The following E2F5 variants were observed in gnomAD, a reference collection of about 807,000 sequenced individuals.
E2F5 encodes the protein transcription factor E2F5.
Under a neutral mutation model 39.1 loss-of-function variants are expected in E2F5, and 23 were observed. That is an observed-to-expected ratio of 0.59 (90% CI 0.42 to 0.83). E2F5 has a LOEUF of 0.83. E2F5 is among the 40% of genes least tolerant of loss of function. The probability of loss-of-function intolerance (pLI) is 0.00; values close to 1 mark genes in which losing one functional copy is unlikely to be tolerated. For missense variants in E2F5, 365 were observed against 406.7 expected (o/e 0.90, Z 0.88); for synonymous variants, 145 against 157.8 (o/e 0.92, Z 0.61).
intron 4 of E2F5, 59 bp from the exon 5 acceptor site, chr8:85,207,366 C>A: frequency 7.0e-7 from 1 of 1,419,018 alleles, no homozygotes; most frequent in Non-Finnish European, 9.7e-7. Flanking sequence ...CACATTCTTG[C>A]CACTGTATTC....
chr8:85,212,055 A>C (rs1046203840), intron 6 of E2F5, 102 bp from the exon 7 acceptor site: 34 of 856,904 alleles, frequency 4.0e-5, no homozygotes, highest in Non-Finnish European at 5.7e-5. Flanking sequence ...ACTTTAAATA[A>C]ATGTGCATGT....
At chr8:85,202,329 A>G (rs1252582902) in intron 2 of E2F5, 73 bp downstream of exon 2, 6 of 1,101,398 alleles carry the variant, frequency 5.4e-6, no homozygotes, top group African/African-American at 1.6e-5. Context: ...GACCTTCCCA[A>G]TGTTTCTATC....
intron 1 of E2F5, 119 bp downstream of exon 1, chr8:85,177,773 A>G: frequency 8.7e-7 from 1 of 1,143,608 alleles, no homozygotes; most frequent in Non-Finnish European, 1.1e-6. Context: ...GGGACCCGGG[A>G]CCGGGCAATC....
intron 4 of E2F5, 134 bp downstream of exon 4, chr8:85,206,354 G>A (rs374440918): frequency 4.7e-5 from 38 of 804,240 alleles, no homozygotes; most frequent in African/African-American, 2.8e-4. Context: ...CCACCATGCC[G>A]TGTATTGATA....
rs550303207 is a variant in E2F5 at position 85,201,363 on chromosome 8, G to T, written c.235-784G>T. ...AAAATGTGGCTCCACATTCAAAATA[G>T]GCTATTGTCTAATCCACTCTGAAAA... On this transcript the variant is annotated intron_variant, in intron 1 of 7. Transcript: ENST00000416274. 2.0e-5 allele frequency among the ~76,000 whole-genome samples: 3 copies of T among 152,270 alleles called. No individual in the cohort carries two copies. In the East Asian group the frequency reaches 5.8e-4, roughly 29 times the overall value.
At chr8:85,203,420 GTTACC>G (rs1173765488) in intron 3 of E2F5, among the ~76,000 whole-genome samples, 165 bp downstream of exon 3, 2 of 151,906 alleles carry the variant, frequency 1.3e-5, no homozygotes, top group African/African-American at 4.8e-5. Flanking sequence ...TTTTCTAAAT[GTTACC>G]TTTTTAAGTT....
At chr8:85,183,407 A>G (rs527242496) in intron 1 of E2F5, among the ~76,000 whole-genome samples, 1 of 152,330 alleles carries the variant, frequency 6.6e-6, no homozygotes, top group Admixed American at 6.5e-5. Context: ...CTGGGTGTAT[A>G]CCCAAAGAAT....
In E2F5 at chr8:85,193,697, A is replaced by T. The variant is rs937738498; in HGVS notation, c.235-8450A>T. Among the ~76,000 whole-genome samples, 4 of 151,984 alleles carry T rather than the reference A, an allele frequency of 2.6e-5. No individual in the cohort carries two copies. The South Asian group carries it at 8.3e-4, about 32-fold the overall frequency. ...TGCTTTTTTTCCTGTGAATTAGAATACCCTTTTCTAGAGTTTCACGTCAGT... is the reference window on the plus strand; with the variant it reads ...TGCTTTTTTTCCTGTGAATTAGAATTCCCTTTTCTAGAGTTTCACGTCAGT... On this transcript the variant is annotated intron_variant, in intron 1 of 7. Transcript: ENST00000416274.
intron 5 of E2F5, among the ~76,000 whole-genome samples, chr8:85,208,343 A>G (rs1276407419): frequency 2.0e-5 from 3 of 152,174 alleles, no homozygotes; most frequent in African/African-American, 7.2e-5. Flanking sequence ...CAACAACAAC[A>G]ACAACACATC....
chr8:85,213,809 G>A lies in E2F5; in HGVS notation c.988G>A (p.Asp330Asn). 6.2e-7 allele frequency: 1 copy of A among 1,613,294 alleles called. No individual in the cohort carries two copies. Among genetic ancestry groups the A allele is most frequent in the Non-Finnish European group, 8.5e-7 (1 of 1,179,562 alleles). The change falls in exon 8 of 8, where the codon GAT becomes AAT. Residue 330 changes from aspartate (D) to asparagine (N), a missense_variant. Transcript: ENST00000416274. ...TPADDYNFNL[D>N]DNEGVCDLFD... ...GGCAGATGACTACAACTTTAATTTAGATGATAACGAAGGAGTTTGTGATCT... is the reference window on the plus strand; with the variant it reads ...GGCAGATGACTACAACTTTAATTTAAATGATAACGAAGGAGTTTGTGATCT...
intron 6 of E2F5, among the ~76,000 whole-genome samples, chr8:85,211,869 G>T (rs58281938): frequency 6.6e-6 from 1 of 151,936 alleles, no homozygotes; most frequent in South Asian, 2.1e-4. Context: ...GAACTCCTGA[G>T]CTCAAGCAAT....
In E2F5 at chr8:85,209,327, G is replaced by A. The variant is rs1263869609; in HGVS notation, c.801G>A (p.Met267Ile). ...CAGTGACTCCACAGAAATCCAGCAT[G>A]GCAACTCAAAATCTGCCTGAGCAAC... ...LTPVTPQKSS[M>I]ATQNLPEQHV... is the part of the protein sequence containing the mutation. Residue 267 changes from methionine to isoleucine, a missense_variant, in exon 6 of 8, where the codon ATG becomes ATA. Transcript: ENST00000416274. 2 of 1,613,952 alleles carry A rather than the reference G, an allele frequency of 1.2e-6. No homozygotes were observed. The highest frequency in any genetic ancestry group is 2.2e-5 in the East Asian group (1 of 44,884).
intron 1 of E2F5, among the ~76,000 whole-genome samples, chr8:85,183,441 A>T (rs1196304948): frequency 3.3e-5 from 5 of 152,234 alleles, no homozygotes; most frequent in Non-Finnish European, 5.9e-5. Flanking sequence ...TCAAGAAGGT[A>T]TGTATACCCC....
chr8:85,212,157 C>A lies in E2F5; in HGVS notation c.884C>A (p.Ala295Glu). ...QQTSATDISS[A>E]GSISGDIIDE... Reference sequence around the variant, plus strand: ...AACAAAACTTTATTACTGTTTCCAGCAGGATCTATTAGTGGAGATATCATT... The same window carrying A: ...AACAAAACTTTATTACTGTTTCCAGAAGGATCTATTAGTGGAGATATCATT... The change falls in exon 7 of 8, where the codon GCA becomes GAA. Residue 295 changes from alanine to glutamate, a missense_variant and splice_region_variant. By Grantham distance (107) the Ala-to-Glu change is moderately radical. Transcript: ENST00000416274. 6.2e-7 allele frequency: 1 copy of A among 1,608,462 alleles called. No individual in the cohort carries two copies. The highest frequency in any genetic ancestry group is 1.3e-5 in the African/African-American group (1 of 74,872).
At chr8:85,183,311 A>T (rs1327653719) in intron 1 of E2F5, among the ~76,000 whole-genome samples, 1 of 152,200 alleles carries the variant, frequency 6.6e-6, no homozygotes, top group East Asian at 1.9e-4. Context: ...AAACATTTTA[A>T]GGTAGAATTA....
intron 1 of E2F5, among the ~76,000 whole-genome samples, chr8:85,189,096 A>G (rs1057375662): frequency 6.6e-6 from 1 of 152,190 alleles, no homozygotes; most frequent in African/African-American, 2.4e-5. Flanking sequence ...TAATTTCACC[A>G]GTAAAGACTG....
At chr8:85,179,181 C>G (rs906283031) in intron 1 of E2F5, among the ~76,000 whole-genome samples, 2 of 152,184 alleles carry the variant, frequency 1.3e-5, no homozygotes, top group African/African-American at 4.8e-5. Flanking sequence ...TTACAAAGCA[C>G]AGGTGGCAAA....
intron 6 of E2F5, among the ~76,000 whole-genome samples, chr8:85,210,377 C>A (rs1812889687): frequency 6.6e-6 from 1 of 151,920 alleles, no homozygotes; most frequent in Non-Finnish European, 1.5e-5. Context: ...TTAGGATGCA[C>A]AATAGAAAAG....
intron 7 of E2F5, 57 bp downstream of exon 7, chr8:85,212,261 TAA>T (rs1812947977): frequency 8.1e-7 from 1 of 1,239,272 alleles, no homozygotes; most frequent in East Asian, 2.4e-5. Flanking sequence ...GTGGAATTTA[TAA>T]GTGAAACATG....
Sources: allele counts gnomAD v4.1 joint callset (sites outside exome capture counted in the v4.1 genomes callset), GRCh38; gene constraint gnomAD v4.1.1; transcripts MANE v1.5; gene names NCBI Gene and HGNC (gene_info 2026-07-23, HGNC 2026-07-21).